TMEM117: variants seen among roughly 807,000 people sequenced by gnomAD.
TMEM117 encodes the protein transmembrane protein 117.
A neutral mutation model predicts 52.4 loss-of-function variants in TMEM117; 27 were observed. The ratio of observed to expected loss-of-function variants is 0.51; its 90% CI spans 0.38 to 0.71. The LOEUF is 0.71. Among genes scored for constraint, TMEM117 ranks in the 30% least tolerant of loss-of-function variants. The pLI is 0.00. For missense variants in TMEM117, 556 were observed against 630.5 expected (o/e 0.88, Z 1.26); for synonymous variants, 215 against 206.3 (o/e 1.04, Z -0.36).
chr12:44,234,067 CT>C (rs1430217174), intron 5 of TMEM117, among the ~76,000 whole-genome samples: 1 of 151,088 alleles, frequency 6.6e-6, no homozygotes, highest in Non-Finnish European at 1.5e-5. Context: ...CTCTATTTTT[CT>C]TTTCTTGCAC....
At chr12:44,122,319 C>T (rs964119558) in intron 3 of TMEM117, among the ~76,000 whole-genome samples, 3 of 152,170 alleles carry the variant, frequency 2.0e-5, no homozygotes, top group African/African-American at 7.2e-5. Context: ...GTTGGGATTA[C>T]AGTCATGAGC....
At chr12:43,879,371 A>G (rs1359848856) in intron 2 of TMEM117, among the ~76,000 whole-genome samples, 1 of 152,254 alleles carries the variant, frequency 6.6e-6, no homozygotes, top group Non-Finnish European at 1.5e-5. Context: ...TGTATATTTC[A>G]GTGTATAATT....
intron 5 of TMEM117, among the ~76,000 whole-genome samples, chr12:44,250,660 G>GA (rs1950186208): frequency 6.6e-6 from 1 of 152,162 alleles, no homozygotes; most frequent in Non-Finnish European, 1.5e-5. Context: ...ATGCAGCCAT[G>GA]AAAAGGAATG....
intron 2 of TMEM117, among the ~76,000 whole-genome samples, chr12:43,907,776 C>A (rs1402259305): frequency 6.7e-6 from 1 of 148,530 alleles, no homozygotes; most frequent in East Asian, 2.0e-4. Context: ...TGAAATGAAG[C>A]AAGAAGGGAA....
At chr12:43,968,204 G>A (rs183742557) in intron 3 of TMEM117, among the ~76,000 whole-genome samples, 84 of 146,358 alleles carry the variant, frequency 5.7e-4, no homozygotes, top group Middle Eastern at 3.4e-3. Flanking sequence ...TCATAAAGAG[G>A]ATTCTCTAAA....
intron 3 of TMEM117, among the ~76,000 whole-genome samples, chr12:44,099,935 G>T (rs1377891209): frequency 2.0e-5 from 3 of 151,940 alleles, no homozygotes; most frequent in Non-Finnish European, 4.4e-5. Flanking sequence ...ACCTGATATT[G>T]CTTTAATGGG....
chr12:44,185,443 A>G (rs1228918035), intron 4 of TMEM117, among the ~76,000 whole-genome samples: 1 of 152,218 alleles, frequency 6.6e-6, no homozygotes, highest in South Asian at 2.1e-4. Flanking sequence ...CTGTTGTTGC[A>G]TATCTTCTAA....
chr12:44,241,939 C>T lies in TMEM117; in HGVS notation c.608+30552C>T, dbSNP rs564664861. ...TGGTCCCCATTTATTTTTTCTTTTT[C>T]GGAATTTGCTTGGCTATTCTTCTCT... On this transcript the variant is annotated intron_variant, in intron 5 of 7. Coordinates refer to ENST00000266534, the MANE Select transcript of TMEM117 (RefSeq NM_032256.3). Among the ~76,000 whole-genome samples, 191 of 151,744 alleles carry T rather than the reference C, an allele frequency of 1.3e-3. 1 individual carries two copies. The highest frequency in any genetic ancestry group is 4.4e-3 in the African/African-American group (181 of 41,488).
chr12:44,175,022 A>G (rs1225848061), intron 4 of TMEM117, among the ~76,000 whole-genome samples: 1 of 152,198 alleles, frequency 6.6e-6, no homozygotes, highest in Non-Finnish European at 1.5e-5. Context: ...CTGAAGTTGC[A>G]TGAGTGAGGA....
At chr12:44,274,058 A>G (rs1204481837) in intron 5 of TMEM117, among the ~76,000 whole-genome samples, 1 of 152,118 alleles carries the variant, frequency 6.6e-6, no homozygotes, top group Non-Finnish European at 1.5e-5. Context: ...TTATATTTTG[A>G]AAAACCTAAA....
At chr12:43,970,047 T>C (rs1017284559) in intron 3 of TMEM117, among the ~76,000 whole-genome samples, 17 of 152,158 alleles carry the variant, frequency 1.1e-4, no homozygotes, top group Non-Finnish European at 2.1e-4. Flanking sequence ...TCATTCTTAG[T>C]AGCTTGATGA....
At chr12:44,224,484 G>A (rs1186094689) in intron 5 of TMEM117, among the ~76,000 whole-genome samples, 1 of 145,070 alleles carries the variant, frequency 6.9e-6, no homozygotes, top group Non-Finnish European at 1.5e-5. Flanking sequence ...TTTTTTTTTA[G>A]TTTTTCTTTG....
intron 4 of TMEM117, among the ~76,000 whole-genome samples, chr12:44,157,472 A>G (rs548117830): frequency 1.3e-5 from 2 of 152,256 alleles, no homozygotes; most frequent in East Asian, 3.9e-4. Context: ...ACTTTTTACT[A>G]ATTTTAACAT....
chr12:44,102,701 AT>A (rs980804060), intron 3 of TMEM117, among the ~76,000 whole-genome samples: 20 of 151,838 alleles, frequency 1.3e-4, no homozygotes, highest in African/African-American at 4.8e-4. Context: ...AGTTCCTCAT[AT>A]TTTTTGGTTG....
chr12:44,003,019 T>A (rs750775929), intron 3 of TMEM117, among the ~76,000 whole-genome samples: 1 of 152,202 alleles, frequency 6.6e-6, no homozygotes, highest in Non-Finnish European at 1.5e-5. Flanking sequence ...TAGGCCATCA[T>A]TCTTTTTTGT....
chr12:44,061,569 A>AC (rs1947138414), intron 3 of TMEM117, among the ~76,000 whole-genome samples: 1 of 152,144 alleles, frequency 6.6e-6, no homozygotes, highest in Non-Finnish European at 1.5e-5. Context: ...GCTTCATGGT[A>AC]CGTGACACCT....
chr12:44,262,220 A>G (rs116784747), intron 5 of TMEM117, among the ~76,000 whole-genome samples: 1,646 of 152,308 alleles, frequency 0.011, 11 homozygotes, highest in African/African-American at 0.019. Flanking sequence ...TTCCATTTGT[A>G]CACACACACT....
intron 6 of TMEM117, among the ~76,000 whole-genome samples, chr12:44,363,961 T>A (rs1431860730): frequency 2.6e-5 from 4 of 152,178 alleles, no homozygotes. Flanking sequence ...TTCTGAATAG[T>A]CTGTCACCTA....
At chr12:44,165,332 A>G (rs529956255) in intron 4 of TMEM117, among the ~76,000 whole-genome samples, 2 of 152,346 alleles carry the variant, frequency 1.3e-5, no homozygotes, top group Non-Finnish European at 2.9e-5. Flanking sequence ...CAACCAGAAA[A>G]CAATTAACAA....
Sources: allele counts gnomAD v4.1 joint callset (sites outside exome capture counted in the v4.1 genomes callset), GRCh38; gene constraint gnomAD v4.1.1; transcripts MANE v1.5; gene names NCBI Gene and HGNC (gene_info 2026-07-23, HGNC 2026-07-21).